Variants in CBR4 observed in about 807,000 individuals in gnomAD.
CBR4 encodes 3-oxoacyl-[acyl-carrier-protein] reductase.
A neutral mutation model predicts 21.0 loss-of-function variants in CBR4; 22 were observed. The observed-to-expected ratio is 1.05, with a 90% CI of 0.75 to 1.50. The LOEUF (loss-of-function observed/expected upper bound fraction) is 1.50, where lower values mean the gene tolerates loss of function less well. Among genes scored for constraint, CBR4 ranks in the 40% most tolerant of loss-of-function variants. CBR4 has a pLI of 0.00. For missense variants in CBR4, 302 were observed against 286.3 expected (o/e 1.05, Z -0.40); for synonymous variants, 100 against 104.4 (o/e 0.96, Z 0.26).
intron 2 of CBR4, among the ~76,000 whole-genome samples, chr4:168,979,484 G>A (rs1293013022): frequency 6.6e-6 from 1 of 152,134 alleles, no homozygotes. Flanking sequence ...CCCAGCCCCC[G>A]CCTGATCAGT....
In CBR4 at chr4:168,905,781, CTTTT is replaced by C. The variant is rs201314551; in HGVS notation, n.170-11020_170-11017del. Among the ~76,000 whole-genome samples, 694 of 99,148 alleles carry C rather than the reference CTTTT, an allele frequency of 7.0e-3. 5 individuals are homozygous for C. Among genetic ancestry groups the C allele is most frequent in the African/African-American group, 0.022 (650 of 29,058 alleles). The allele number at this position is 99,148 out of a possible 152,430, so 65.0% of individuals were successfully genotyped here. ...TATGAAGAAACAAAAGCGGAACTTG[CTTTT>C]TTTTCTTTTTTTTTTTTTTTTTTTT... is the stretch of plus-strand genomic sequence containing the variant. On this transcript the variant is annotated intron_variant and non_coding_transcript_variant, in intron 2 of 3. Transcript: ENST00000509108.
intron 2 of CBR4, among the ~76,000 whole-genome samples, chr4:168,934,122 G>A (rs1401404288): frequency 6.6e-6 from 1 of 151,702 alleles, no homozygotes; most frequent in African/African-American, 2.4e-5. Flanking sequence ...GGGCATAGTG[G>A]TGCACACCTA....
At chr4:168,974,489 C>A (rs1017902769) in intron 2 of CBR4, among the ~76,000 whole-genome samples, 6 of 152,172 alleles carry the variant, frequency 3.9e-5, no homozygotes, top group African/African-American at 1.2e-4. Flanking sequence ...CTTGATTGTT[C>A]CCTCAAATAA....
chr4:168,999,988 A>G (rs1730283253), intron 4 of CBR4, among the ~76,000 whole-genome samples: 1 of 152,248 alleles, frequency 6.6e-6, no homozygotes, highest in South Asian at 2.1e-4. Flanking sequence ...CGTAGGAGAC[A>G]TGCCAGAAAG....
intron 2 of CBR4, among the ~76,000 whole-genome samples, chr4:168,962,069 G>C (rs1560965708): frequency 6.6e-6 from 1 of 151,600 alleles, no homozygotes; most frequent in African/African-American, 2.4e-5. Context: ...TTTTTAAAAA[G>C]AAAAAAGATG....
intron 2 of CBR4, among the ~76,000 whole-genome samples, chr4:168,925,546 T>C (rs1169928118): frequency 6.6e-6 from 1 of 152,206 alleles, no homozygotes; most frequent in Non-Finnish European, 1.5e-5. Context: ...CTTAGTGCTT[T>C]TCTCATTAAT....
rs555740597 is a variant in CBR4 at position 168,949,706 on chromosome 4, T to C, written n.169+52365A>G. On this transcript the variant is annotated intron_variant and non_coding_transcript_variant, in intron 2 of 3. Coordinates refer to the CBR4 transcript ENST00000509108. ...CAAAAGGATTGGTACCAATTCTTCTTTGAATGTCTGGTAGAATTCTGCTGT... is the reference window on the plus strand; with the variant it reads ...CAAAAGGATTGGTACCAATTCTTCTCTGAATGTCTGGTAGAATTCTGCTGT... Among the ~76,000 whole-genome samples, 13 of 152,256 alleles carry C rather than the reference T, an allele frequency of 8.5e-5. 1 individual carries two copies. The highest frequency in any genetic ancestry group is 3.1e-4 in the African/African-American group (13 of 41,586).
At chr4:168,959,186 G>A (rs754703995) in intron 2 of CBR4, among the ~76,000 whole-genome samples, 26 of 152,064 alleles carry the variant, frequency 1.7e-4, no homozygotes, top group South Asian at 1.7e-3. Flanking sequence ...GATTTATGTC[G>A]TATCCATTAA....
chr4:169,009,450 G>A (rs575181387), intron 1 of CBR4, among the ~76,000 whole-genome samples: 1 of 152,314 alleles, frequency 6.6e-6, no homozygotes, highest in East Asian at 1.9e-4. Context: ...ACTGCTTTGT[G>A]CATTCGCGCA....
At chr4:168,978,545 A>G (rs147761362) in intron 2 of CBR4, among the ~76,000 whole-genome samples, 3 of 152,338 alleles carry the variant, frequency 2.0e-5, no homozygotes, top group Non-Finnish European at 4.4e-5. Context: ...AAAATGGTGA[A>G]TAAGAGCCCC....
chr4:168,989,815 A>G lies in CBR4; in HGVS notation c.*335T>C. On this transcript the variant is annotated 3_prime_UTR_variant, in exon 5 of 5. Transcript: ENST00000306193. ...GTAAGTGATACACATCCTTTAGAAA[A>G]CACAATTTGTCTGGGGGGATGATTG... 1 of 1,006,966 alleles carries G rather than the reference A, an allele frequency of 9.9e-7. No individual in the cohort carries two copies. The highest frequency in any genetic ancestry group is 1.2e-6 in the Non-Finnish European group (1 of 844,536). 62.4% of individuals were successfully genotyped at this position (1,006,966 alleles called of 1,614,324 possible). A position where few individuals can be genotyped will look rare whatever the true frequency, so the allele number is the denominator to read the frequency against.
intron 2 of CBR4, among the ~76,000 whole-genome samples, chr4:168,911,034 T>C (rs1008515896): frequency 6.6e-6 from 1 of 152,222 alleles, no homozygotes; most frequent in African/African-American, 2.4e-5. Flanking sequence ...CTATGAGGAA[T>C]TTAATAATGA....
chr4:168,923,131 T>C (rs1450830984), intron 2 of CBR4, among the ~76,000 whole-genome samples: 1 of 152,218 alleles, frequency 6.6e-6, no homozygotes, highest in African/African-American at 2.4e-5. Flanking sequence ...TGCTATGACA[T>C]TAAGACTTGT....
chr4:168,987,389 G>C (rs1252175125), downstream of CBR4, among the ~76,000 whole-genome samples: 2 of 152,172 alleles, frequency 1.3e-5, no homozygotes, highest in Non-Finnish European at 2.9e-5. Flanking sequence ...AATATACTCA[G>C]AGATGAGTAG....
intron 2 of CBR4, chr4:168,896,540 C>A (rs1755215469): frequency 1.4e-6 from 2 of 1,456,186 alleles, no homozygotes; most frequent in Admixed American, 2.0e-5. Context: ...TTTTTTTCTA[C>A]CATTACAGGA....
intron 2 of CBR4, chr4:168,926,508 C>A: frequency 4.6e-6 from 3 of 658,182 alleles, no homozygotes; most frequent in South Asian, 2.4e-5. Context: ...AAAAAAAACA[C>A]CAAAATAATA....
At chr4:168,898,379 A>C (rs1008763428) in intron 2 of CBR4, 1 of 740,806 alleles carries the variant, frequency 1.3e-6, no homozygotes, top group Non-Finnish European at 2.4e-6. Context: ...CTGTGTTTTT[A>C]AGCTGTATGG....
chr4:168,938,562 G>A (rs1313980979), intron 2 of CBR4, among the ~76,000 whole-genome samples: 1 of 152,010 alleles, frequency 6.6e-6, no homozygotes, highest in African/African-American at 2.4e-5. Context: ...TAGACCACTA[G>A]CCAGGCTACT....
chr4:168,911,386 A>G (rs935335237), intron 2 of CBR4, among the ~76,000 whole-genome samples: 3 of 152,220 alleles, frequency 2.0e-5, no homozygotes, highest in Non-Finnish European at 4.4e-5. Flanking sequence ...TTCATATCAC[A>G]AGGAAGGATA....
Sources: allele counts gnomAD v4.1 joint callset (sites outside exome capture counted in the v4.1 genomes callset), GRCh38; gene constraint gnomAD v4.1.1; transcripts MANE v1.5; gene names NCBI Gene and HGNC (gene_info 2026-07-23, HGNC 2026-07-21).